The following PCDH15 variants were observed in gnomAD, a reference collection of about 807,000 sequenced individuals.
The protein encoded by PCDH15 is protocadherin-15.
A neutral mutation model predicts 178.5 loss-of-function variants in PCDH15; 129 were observed. That is an observed-to-expected ratio of 0.72 (90% CI 0.63 to 0.84). The LOEUF is 0.84. Ranked by LOEUF, PCDH15 falls within the 40% of genes least tolerant of loss-of-function variation. The pLI is 0.00. For missense variants in PCDH15, 2,230 were observed against 2,099.9 expected (o/e 1.06, Z -1.21); for synonymous variants, 800 against 732.0 (o/e 1.09, Z -1.50).
chr10:54,412,773 G>A (rs11004280), intron 3 of PCDH15, among the ~76,000 whole-genome samples: 71,672 of 151,938 alleles, frequency 0.47, 17,629 homozygotes, highest in Non-Finnish European at 0.53. Flanking sequence ...CCAGGGTGGA[G>A]GGCAGTGGCG....
intron 2 of PCDH15, among the ~76,000 whole-genome samples, chr10:55,529,895 T>C (rs546942863): frequency 6.6e-6 from 1 of 150,746 alleles, no homozygotes; most frequent in East Asian, 2.0e-4. Flanking sequence ...GCTACGTTAA[T>C]GCTCCTCAAA....
chr10:54,147,974 A>G lies in PCDH15; in HGVS notation c.1784+5126T>C, dbSNP rs116913144. The stretch of plus-strand genomic sequence containing the variant: ...GTCAATTATCCTATTTCAGCCTCAG[A>G]TTTCTGGTGTGCAAAACTAAATTAT... On this transcript the variant is annotated intron_variant, in intron 14 of 37. Coordinates refer to ENST00000644397, the MANE Select transcript of PCDH15 (RefSeq NM_001384140.1). Among the ~76,000 whole-genome samples, 97 of 152,040 alleles carry G rather than the reference A, an allele frequency of 6.4e-4. No homozygotes were observed. The East Asian group carries it at 0.014, about 22-fold the overall frequency.
intron 1 of PCDH15, among the ~76,000 whole-genome samples, chr10:55,191,833 T>C (rs1839951465): frequency 6.6e-6 from 1 of 151,890 alleles, no homozygotes; most frequent in African/African-American, 2.4e-5. Context: ...TCCCAAACAA[T>C]TTTCATGAGA....
intron 2 of PCDH15, among the ~76,000 whole-genome samples, chr10:55,113,639 TTATCTAATTATA>T (rs1296194223): frequency 6.6e-6 from 1 of 152,318 alleles, no homozygotes; most frequent in South Asian, 2.1e-4. Flanking sequence ...CTGTGTTAAC[TTATCTAATTATA>T]TGCATGCTTA....
rs774845411 is a variant in PCDH15 at position 54,370,101 on chromosome 10, G to A, written c.319-826C>T. 1.4e-4 allele frequency among the ~76,000 whole-genome samples: 22 copies of A among 151,884 alleles called. 1 individual carries two copies. The highest frequency in any genetic ancestry group is 2.7e-4 in the Non-Finnish European group (18 of 67,910). On this transcript the variant is annotated intron_variant, in intron 4 of 37. Coordinates refer to ENST00000644397, the MANE Select transcript of PCDH15 (RefSeq NM_001384140.1). ...AATTTTTATAATAAATTCCTTGAAC[G>A]GGAAAGGTCAAAGATATACTTCCTC...
intron 1 of PCDH15, among the ~76,000 whole-genome samples, chr10:55,279,177 C>T (rs1842668383): frequency 6.6e-6 from 1 of 152,092 alleles, no homozygotes; most frequent in Admixed American, 6.6e-5. Flanking sequence ...GGGAGCCTAA[C>T]TTCAAAAAGA....
chr10:55,226,729 T>C (rs1841056267), intron 1 of PCDH15, among the ~76,000 whole-genome samples: 1 of 152,030 alleles, frequency 6.6e-6, no homozygotes, highest in East Asian at 1.9e-4. Flanking sequence ...AGAAAGACCT[T>C]TTAGTAATAA....
At chr10:54,536,989 TTTG>T (rs1465237108) in intron 2 of PCDH15, among the ~76,000 whole-genome samples, 1 of 138,328 alleles carries the variant, frequency 7.2e-6, no homozygotes, top group Non-Finnish European at 1.5e-5. Context: ...GGTGGAACAA[TTTG>T]TTTCCTTTTT....
intron 3 of PCDH15, among the ~76,000 whole-genome samples, chr10:54,420,705 T>G (rs1955144809): frequency 6.6e-6 from 1 of 151,952 alleles, no homozygotes; most frequent in Admixed American, 6.6e-5. Flanking sequence ...AATTGCACAT[T>G]TATAAGCAAG....
chr10:54,972,848 C>CAAAAAAAAAAAA (rs750356955), intron 2 of PCDH15, among the ~76,000 whole-genome samples: 1 of 53,512 alleles, frequency 1.9e-5, no homozygotes, highest in Non-Finnish European at 3.3e-5. Context: ...GACTCCATCT[C>CAAAAAAAAAAAA]AAAAAAAAAA....
chr10:55,314,059 C>T (rs942629062), intron 1 of PCDH15, among the ~76,000 whole-genome samples: 1 of 151,638 alleles, frequency 6.6e-6, no homozygotes, highest in African/African-American at 2.4e-5. Flanking sequence ...ATGATGCACA[C>T]CCAGTTACTA....
At chr10:54,756,054 AAAACACACACAC>A (rs1181566737) in intron 1 of PCDH15, among the ~76,000 whole-genome samples, 12 of 111,994 alleles carry the variant, frequency 1.1e-4, no homozygotes, top group Non-Finnish European at 1.6e-4. Context: ...GTCTCTACTA[AAAACACACACAC>A]ACACACACAC....
chr10:54,665,868 T>C (rs1329250463), intron 1 of PCDH15, among the ~76,000 whole-genome samples: 1 of 152,002 alleles, frequency 6.6e-6, no homozygotes, highest in Non-Finnish European at 1.5e-5. Flanking sequence ...CAAGAGATCA[T>C]CACAATCCAC....
At chr10:54,431,723 GTTGT>G (rs1203883739) in intron 3 of PCDH15, among the ~76,000 whole-genome samples, 1 of 152,038 alleles carries the variant, frequency 6.6e-6, no homozygotes, top group Non-Finnish European at 1.5e-5. Flanking sequence ...TTTCATTACT[GTTGT>G]TTAACACAGT....
intron 1 of PCDH15, among the ~76,000 whole-genome samples, chr10:54,743,453 G>C (rs1357197958): frequency 6.6e-6 from 1 of 151,910 alleles, no homozygotes; most frequent in African/African-American, 2.4e-5. Flanking sequence ...TTCCTATTTA[G>C]AAGGCCACAT....
At chr10:55,356,638 G>A (rs1845087782) in intron 2 of PCDH15, among the ~76,000 whole-genome samples, 1 of 151,730 alleles carries the variant, frequency 6.6e-6, no homozygotes, top group Non-Finnish European at 1.5e-5. Context: ...ATGAAATTGT[G>A]TATTATAAAA....
intron 2 of PCDH15, among the ~76,000 whole-genome samples, chr10:55,538,051 C>A (rs189712566): frequency 1.2e-4 from 19 of 152,236 alleles, no homozygotes; most frequent in African/African-American, 4.3e-4. Flanking sequence ...AGAATGATGG[C>A]TTGAGAAATG....
intron 3 of PCDH15, among the ~76,000 whole-genome samples, chr10:54,863,333 G>A (rs935993999): frequency 6.6e-6 from 1 of 152,150 alleles, no homozygotes; most frequent in Non-Finnish European, 1.5e-5. Context: ...ACAAGGTCAG[G>A]AGATCGAGAC....
chr10:55,434,564 T>A lies in PCDH15; in HGVS notation c.-156+193061A>T, dbSNP rs188743412. Among the ~76,000 whole-genome samples, 206 of 152,198 alleles carry A rather than the reference T, an allele frequency of 1.4e-3. 2 individuals carry two copies. Among genetic ancestry groups the A allele is most frequent in the African/African-American group, 4.7e-3 (195 of 41,510 alleles). ...CAAAATATCTAGCTCTTCATTAACATGTTTCAAAAGCATATTTAATTATTC... is the reference window on the plus strand; with the variant it reads ...CAAAATATCTAGCTCTTCATTAACAAGTTTCAAAAGCATATTTAATTATTC... On this transcript the variant is annotated intron_variant, in intron 2 of 5. Transcript: ENST00000613346.
Sources: gnomAD v4.1 joint callset for allele counts (sites outside exome capture counted in the v4.1 genomes callset) on GRCh38, gnomAD v4.1.1 for gene constraint, MANE v1.5 for transcripts, NCBI Gene and HGNC (gene_info 2026-07-23, HGNC 2026-07-21) for gene names.